ARAP2: variants seen among roughly 807,000 people sequenced by gnomAD.
ARAP2 encodes ArfGAP with RhoGAP domain, ankyrin repeat and PH domain 2.
Under a neutral mutation model 194.5 loss-of-function variants are expected in ARAP2, and 148 were observed. That is an observed-to-expected ratio of 0.76 (90% CI 0.67 to 0.87). The LOEUF (loss-of-function observed/expected upper bound fraction) is 0.87, where lower values mean the gene tolerates loss of function less well. Ranked by LOEUF, ARAP2 falls within the 40% of genes least tolerant of loss-of-function variation. The probability of loss-of-function intolerance (pLI) is 0.00; values close to 1 mark genes in which losing one functional copy is unlikely to be tolerated. For missense variants in ARAP2, 2,128 were observed against 1,989.7 expected, an observed-to-expected ratio of 1.07 and a Z score of -1.32; for synonymous variants, 695 against 683.5, an observed-to-expected ratio of 1.02 and a Z score of -0.26.
intron 27 of ARAP2, among the ~76,000 whole-genome samples, chr4:36,101,210 G>A (rs1453635455): frequency 3.9e-5 from 6 of 151,912 alleles, no homozygotes; most frequent in Non-Finnish European, 7.4e-5. Context: ...GCAGGTGGCA[G>A]GGGGGAGACG....
chr4:36,121,190 C>T lies in ARAP2; in HGVS notation c.3883G>A (p.Glu1295Lys), dbSNP rs753347164. 1.4e-5 allele frequency: 23 copies of T among 1,590,884 alleles called. No homozygotes were observed. The highest frequency in any genetic ancestry group is 2.3e-5 in the South Asian group (2 of 87,576). The stretch of plus-strand genomic sequence containing the variant: ...TACAAAATAATTACCTCAAATATTT[C>T]TACATAATTATTAATTAGGTCCTCA... ...VIEDLINNYV[E>K]IFEVKEDQVK... The change falls in exon 23 of 33, where the codon GAA (glutamate) becomes AAA (lysine). Residue 1295 changes from glutamate to lysine, a missense_variant. Glu to Lys is a moderately conservative substitution (Grantham distance 56). Coordinates refer to ENST00000303965, the MANE Select transcript of ARAP2 (RefSeq NM_015230.4).
chr4:36,135,246 A>G (rs1324790364), intron 19 of ARAP2, among the ~76,000 whole-genome samples: 2 of 151,814 alleles, frequency 1.3e-5, no homozygotes, highest in Non-Finnish European at 1.5e-5. Flanking sequence ...TTTGGGGGCC[A>G]GGTGTGGGTA....
intron 13 of ARAP2, 92 bp downstream of exon 13, chr4:36,160,367 T>C (rs761258043): frequency 4.5e-5 from 58 of 1,286,758 alleles, no homozygotes; most frequent in Non-Finnish European, 5.2e-5. Context: ...TTTTGTCAGA[T>C]AGTATAAAAT....
intron 8 of ARAP2, among the ~76,000 whole-genome samples, chr4:36,185,199 C>T (rs1257152115): frequency 6.6e-6 from 1 of 152,214 alleles, no homozygotes; most frequent in Non-Finnish European, 1.5e-5. Context: ...CAGATTTAGG[C>T]TGCAGATCAG....
intron 28 of ARAP2, among the ~76,000 whole-genome samples, chr4:36,084,419 G>A (rs1577804303): frequency 6.6e-6 from 1 of 151,942 alleles, no homozygotes. Context: ...ATATATCTTC[G>A]TGTTGTTTTG....
At chr4:36,104,990 T>C (rs973458830) in intron 27 of ARAP2, among the ~76,000 whole-genome samples, 1 of 152,004 alleles carries the variant, frequency 6.6e-6, no homozygotes, top group South Asian at 2.1e-4. Context: ...GTAGGTTTTA[T>C]GGCTCCCACC....
intron 23 of ARAP2, 56 bp downstream of exon 23, chr4:36,121,123 T>TTTA: frequency 1.5e-6 from 2 of 1,328,970 alleles, no homozygotes; most frequent in South Asian, 3.3e-5. Context: ...TAAATATTTG[T>TTTA]TGGCAAACAG....
intron 27 of ARAP2, among the ~76,000 whole-genome samples, chr4:36,096,643 T>C (rs1373312839): frequency 6.6e-6 from 1 of 152,128 alleles, no homozygotes; most frequent in African/African-American, 2.4e-5. Context: ...ATGATACACA[T>C]ACTGACCTCA....
chr4:36,032,229 A>G (rs1453636623), intron 5 of ARAP2, among the ~76,000 whole-genome samples: 1 of 152,150 alleles, frequency 6.6e-6, no homozygotes, highest in Non-Finnish European at 1.5e-5. Context: ...GGTCAAGAAC[A>G]TAGACACCAA....
rs750898826 is a variant in ARAP2 at position 36,151,105 on chromosome 4, CA to C, written c.2753-62del. 130 of 1,395,146 alleles carry C rather than the reference CA, an allele frequency of 9.3e-5. 1 individual carries two copies. The highest frequency in any genetic ancestry group is 1.2e-4 in the Non-Finnish European group (122 of 1,024,948). The allele number at this position is 1,395,146 out of a possible 1,614,324, so 86.4% of individuals were successfully genotyped here. On this transcript the variant is annotated intron_variant, in intron 15 of 32. Transcript: ENST00000303965. ...CTAATCACGAATCCAATTTTAAAAA[CA>C]AAAACATACTTCTAAATAATGGCTG...
downstream of ARAP2, among the ~76,000 whole-genome samples, chr4:36,061,162 C>T (rs950432593): frequency 2.6e-5 from 4 of 152,136 alleles, no homozygotes; most frequent in Non-Finnish European, 4.4e-5. Flanking sequence ...TTACTAATCA[C>T]TTCATGAAAA....
intron 6 of ARAP2, among the ~76,000 whole-genome samples, chr4:36,194,375 T>G (rs550984181): frequency 6.6e-6 from 1 of 152,332 alleles, no homozygotes; most frequent in East Asian, 1.9e-4. Flanking sequence ...TTATTTTATA[T>G]TCTCCTTCCC....
Position 36,228,632 on chromosome 4 carries a change from T to C in ARAP2, c.855A>G (p.Arg285=), listed in dbSNP as rs369087977. ...VSRPSRSFLL[R]HRPVPEIPGS... Reference sequence around the variant, plus strand: ...CTGGAATCTCTGGTACAGGTCGATGTCTTAGCAGAAAAGATCGAGATGGTC... The same window carrying C: ...CTGGAATCTCTGGTACAGGTCGATGCCTTAGCAGAAAAGATCGAGATGGTC... Residue 285 remains arginine, a synonymous_variant, in exon 2 of 33, where the codon AGA becomes AGG. Coordinates refer to ENST00000303965, the MANE Select transcript of ARAP2 (RefSeq NM_015230.4). 349 of 1,613,854 alleles carry C rather than the reference T, an allele frequency of 2.2e-4. No individual in the cohort carries two copies. The highest frequency in any genetic ancestry group is 2.9e-4 in the Non-Finnish European group (346 of 1,179,934).
At chr4:36,195,564 T>C (rs1483155290) in intron 6 of ARAP2, among the ~76,000 whole-genome samples, 1 of 152,230 alleles carries the variant, frequency 6.6e-6, no homozygotes, top group African/African-American at 2.4e-5. Context: ...ACACTGGGAA[T>C]GACAGTAAGC....
At chr4:36,020,117 C>A (rs1484846391) in intron 5 of ARAP2, among the ~76,000 whole-genome samples, 1 of 152,126 alleles carries the variant, frequency 6.6e-6, no homozygotes, top group East Asian at 1.9e-4. Context: ...TATTATAATA[C>A]CACGACAATC....
chr4:36,228,877 C>G lies in ARAP2; in HGVS notation c.610G>C (p.Glu204Gln). The change falls in exon 2 of 33, where the codon GAA becomes CAA. Residue 204 changes from glutamate to glutamine, a missense_variant. Coordinates refer to ENST00000303965, the MANE Select transcript of ARAP2 (RefSeq NM_015230.4). The part of the protein sequence containing the change: ...QQTEKVKLIT[E>Q]NLSKLPNADS... ...GCATTAGGGAGCTTACTGAGATTTT[C>G]TGTGATCAATTTAACTTTTTCTGTT... 6.2e-7 allele frequency: 1 copy of G among 1,614,064 alleles called. No individual in the cohort carries two copies. Among genetic ancestry groups the G allele is most frequent in the Non-Finnish European group, 8.5e-7 (1 of 1,180,000 alleles).
rs1392259044 is a variant in ARAP2 at position 36,014,224 on chromosome 4, C to CGGAAGAAAGAAAGAAAGAAAGAAA, written n.1056+1161_1056+1162insTTTCTTTCTTTCTTTCTTTCTTCC. Among the ~76,000 whole-genome samples the CGGAAGAAAGAAAGAAAGAAAGAAA allele has an allele frequency of 6.7e-3, 412 of 61,678 alleles. 53 individuals carry two copies. Among genetic ancestry groups the CGGAAGAAAGAAAGAAAGAAAGAAA allele is most frequent in the African/African-American group, 0.017 (280 of 16,416 alleles). The allele number at this position is 61,678 out of a possible 152,430, so 40.5% of individuals were successfully genotyped here. ...CCTAGGTGACAAAGTGAGACCCTAT[C>CGGAAGAAAGAAAGAAAGAAAGAAA]GAAAGAAAGAAAGAAAGAAAGAAAG... On this transcript the variant is annotated intron_variant and non_coding_transcript_variant, in intron 8 of 12. Coordinates refer to the ARAP2 transcript ENST00000503225.
At chr4:36,068,502 AT>A (rs1560356969) in intron 32 of ARAP2, among the ~76,000 whole-genome samples, 1 of 152,218 alleles carries the variant, frequency 6.6e-6, no homozygotes, top group Non-Finnish European at 1.5e-5. Flanking sequence ...CCTCAATACG[AT>A]TTTTTGACTT....
chr4:36,039,262 C>T (rs941254801), intron 5 of ARAP2, among the ~76,000 whole-genome samples: 5 of 152,286 alleles, frequency 3.3e-5, no homozygotes, highest in Middle Eastern at 3.4e-3. Context: ...AAAAAATAAA[C>T]CATTTCCTGT....
Sources: allele counts gnomAD v4.1 joint callset (sites outside exome capture counted in the v4.1 genomes callset), GRCh38; gene constraint gnomAD v4.1.1; transcripts MANE v1.5; gene names NCBI Gene and HGNC (gene_info 2026-07-23, HGNC 2026-07-21).